Variants in TAB2 observed in about 807,000 individuals in gnomAD.
TAB2 encodes the protein TGF-beta activated kinase 1 (MAP3K7) binding protein 2, also known as TGF-beta-activated kinase 1 and MAP3K7-binding protein 2.
TAB2 carries 3 observed loss-of-function variants against 65.0 expected under a neutral mutation model. That is an observed-to-expected ratio of 0.05 (90% CI 0.02 to 0.12). The LOEUF (loss-of-function observed/expected upper bound fraction) is 0.12, where lower values mean the gene tolerates loss of function less well. TAB2 is among the 10% of genes least tolerant of loss of function. The probability of loss-of-function intolerance (pLI) is 1.00; values close to 1 mark genes in which losing one functional copy is unlikely to be tolerated. For missense variants in TAB2, 623 were observed against 840.3 expected (o/e 0.74, Z 3.20); for synonymous variants, 298 against 285.1 (o/e 1.05, Z -0.46).
At chr6:149,275,562 T>C (rs1284570415) in intron 1 of TAB2, among the ~76,000 whole-genome samples, 2 of 152,192 alleles carry the variant, frequency 1.3e-5, no homozygotes, top group Non-Finnish European at 2.9e-5. Context: ...CCCAAGAAGG[T>C]AGAGCATAAC....
chr6:149,273,242 A>G (rs1489281696), intron 1 of TAB2, among the ~76,000 whole-genome samples: 2 of 152,204 alleles, frequency 1.3e-5, no homozygotes, highest in African/African-American at 4.8e-5. Context: ...AAAAGTCAAG[A>G]ATGGCATCCT....
chr6:149,379,586 A>G (rs1781542713), intron 3 of TAB2, 68 bp downstream of exon 3: 1 of 1,434,872 alleles, frequency 7.0e-7, no homozygotes, highest in Middle Eastern at 1.7e-4. Flanking sequence ...TGATTTCACA[A>G]CAGAAATGGA....
rs73781723 is a variant in TAB2, at chr6:149,257,126, T to C, written c.-121+38350T>C. On this transcript the variant is annotated intron_variant, in intron 1 of 1. Coordinates refer to the TAB2 transcript ENST00000606202. ...GAAAAACAAGCTGGGTTGCGCTTAGTGAAGATTGAATCTTCCTTTCAACAG... is the reference window on the plus strand; with the variant it reads ...GAAAAACAAGCTGGGTTGCGCTTAGCGAAGATTGAATCTTCCTTTCAACAG... Among the ~76,000 whole-genome samples, 399 of 152,346 alleles carry C rather than the reference T, an allele frequency of 2.6e-3. 5 individuals are homozygous for C. The highest frequency in any genetic ancestry group is 9.2e-3 in the African/African-American group (381 of 41,588).
intron 1 of TAB2, among the ~76,000 whole-genome samples, chr6:149,249,894 T>A (rs1026217805): frequency 6.6e-6 from 1 of 152,202 alleles, no homozygotes; most frequent in African/African-American, 2.4e-5. Context: ...GTACCTAAAA[T>A]ACAAACTGTT....
At chr6:149,333,243 A>G (rs1217645350) in intron 1 of TAB2, among the ~76,000 whole-genome samples, 1 of 152,216 alleles carries the variant, frequency 6.6e-6, no homozygotes, top group Non-Finnish European at 1.5e-5. Context: ...CTTCCAAACA[A>G]GCATTCTAGC....
chr6:149,229,457 T>C (rs1777357334), intron 1 of TAB2, among the ~76,000 whole-genome samples: 2 of 151,434 alleles, frequency 1.3e-5, no homozygotes, highest in African/African-American at 2.4e-5. Flanking sequence ...TTTTAAGGGG[T>C]GAGGGGCTGC....
chr6:149,343,120 T>C (rs1265437539), intron 1 of TAB2, among the ~76,000 whole-genome samples: 1 of 151,938 alleles, frequency 6.6e-6, no homozygotes, highest in Non-Finnish European at 1.5e-5. Context: ...CAAAAAAAAT[T>C]GAAAAACAAA....
intron 2 of TAB2, among the ~76,000 whole-genome samples, chr6:149,375,822 G>C (rs552456727): frequency 6.6e-6 from 1 of 152,260 alleles, no homozygotes; most frequent in East Asian, 1.9e-4. Context: ...TCAATTAAGA[G>C]TTATTAGTAG....
At chr6:149,341,782 C>CT (rs945308102) in intron 1 of TAB2, among the ~76,000 whole-genome samples, 1 of 151,898 alleles carries the variant, frequency 6.6e-6, no homozygotes, top group South Asian at 2.1e-4. Flanking sequence ...GTCTTCACTA[C>CT]TTTTTTTTGT....
intron 1 of TAB2, among the ~76,000 whole-genome samples, chr6:149,277,383 A>G (rs923959189): frequency 3.3e-5 from 5 of 152,236 alleles, no homozygotes; most frequent in African/African-American, 4.8e-5. Flanking sequence ...CTCTTTATAG[A>G]TTGATACAGA....
At chr6:149,232,826 C>T (rs968591649) in intron 1 of TAB2, among the ~76,000 whole-genome samples, 2 of 152,224 alleles carry the variant, frequency 1.3e-5, no homozygotes, top group African/African-American at 4.8e-5. Flanking sequence ...AGGCTTTCAT[C>T]CTCTACACTA....
chr6:149,372,359 A>G (rs933376524), intron 2 of TAB2: 5 of 152,234 alleles, frequency 3.3e-5, no homozygotes, highest in African/African-American at 1.2e-4. Flanking sequence ...AACAAAATTA[A>G]TAAAAGATGT....
intron 1 of TAB2, among the ~76,000 whole-genome samples, chr6:149,254,101 GGAAGGAAGGAAGGAC>G (rs1777949557): frequency 1.8e-5 from 2 of 109,226 alleles, no homozygotes; most frequent in African/African-American, 3.4e-5. Flanking sequence ...AAGGAAGGAA[GGAAGGAAGGAAGGAC>G]AGGGAAGGGA....
chr6:149,379,606 T>G (rs777639998), intron 3 of TAB2, 88 bp downstream of exon 3: 1 of 1,271,214 alleles, frequency 7.9e-7, no homozygotes, highest in Non-Finnish European at 1.1e-6. Flanking sequence ...ATGTTAGCAT[T>G]GTTATTTCAT....
chr6:149,273,871 T>A (rs1046637754), intron 1 of TAB2, among the ~76,000 whole-genome samples: 1 of 152,138 alleles, frequency 6.6e-6, no homozygotes, highest in Admixed American at 6.5e-5. Context: ...ACATGAGATG[T>A]GAGATTTGAG....
chr6:149,323,610 T>C (rs922114752), intron 1 of TAB2, among the ~76,000 whole-genome samples: 1 of 152,214 alleles, frequency 6.6e-6, no homozygotes, highest in African/African-American at 2.4e-5. Context: ...TAAGCATTCT[T>C]CAGATGCCTA....
chr6:149,389,102 T>C (rs1298415393), intron 3 of TAB2, among the ~76,000 whole-genome samples: 2 of 151,788 alleles, frequency 1.3e-5, no homozygotes, highest in Non-Finnish European at 2.9e-5. Context: ...ACTACAGGCA[T>C]GCACCACCAC....
At chr6:149,253,405 G>T (rs1019664990) in intron 1 of TAB2, among the ~76,000 whole-genome samples, 1 of 151,930 alleles carries the variant, frequency 6.6e-6, no homozygotes, top group Non-Finnish European at 1.5e-5. Flanking sequence ...CGGATCACTT[G>T]AGGTCAGGAG....
chr6:149,267,524 T>C (rs1778285089), intron 1 of TAB2, among the ~76,000 whole-genome samples: 1 of 152,142 alleles, frequency 6.6e-6, no homozygotes, highest in Non-Finnish European at 1.5e-5. Flanking sequence ...GAGAGTTAGC[T>C]CTAAGAGGGT....
Sources: allele counts gnomAD v4.1 joint callset (sites outside exome capture counted in the v4.1 genomes callset), GRCh38; gene constraint gnomAD v4.1.1; transcripts MANE v1.5; gene names NCBI Gene and HGNC (gene_info 2026-07-23, HGNC 2026-07-21).